Variants in MAP2K5 observed in about 807,000 individuals in gnomAD.
MAP2K5 encodes the protein dual specificity mitogen-activated protein kinase kinase 5.
MAP2K5 carries 49 observed loss-of-function variants against 83.1 expected under a neutral mutation model. That is an observed-to-expected ratio of 0.59 (90% CI 0.47 to 0.75). MAP2K5 has a LOEUF of 0.75. MAP2K5 is among the 30% of genes least tolerant of loss of function. The pLI, the probability that MAP2K5 is intolerant of heterozygous loss-of-function variation, is 0.00. For missense variants in MAP2K5, 457 were observed against 557.5 expected, an observed-to-expected ratio of 0.82 and a Z score of 1.82; for synonymous variants, 202 against 191.8, an observed-to-expected ratio of 1.05 and a Z score of -0.44.
chr15:67,612,018 TC>T (rs2085934288), intron 8 of MAP2K5, among the ~76,000 whole-genome samples: 1 of 151,996 alleles, frequency 6.6e-6, no homozygotes, highest in Non-Finnish European at 1.5e-5. Flanking sequence ...TGTGCTGATC[TC>T]TGAACCTCAG....
At position 67,736,585 on chromosome 15, in the gene MAP2K5, C is replaced by T. The variant is rs1472192152; in HGVS notation, c.1074+8640C>T. The stretch of plus-strand genomic sequence containing the variant: ...TTTTTCTGATCCCACAAGAGCCTTC[C>T]TTTACAGACTTTCTTTTTTGAGTTA... On this transcript the variant is annotated intron_variant, in intron 17 of 21. Transcript: ENST00000178640. The surrounding 1 kb of genome is among the most constrained non-coding windows in gnomAD (Gnocchi z 4.3). 6.6e-6 allele frequency among the ~76,000 whole-genome samples: 1 copy of T among 152,220 alleles called. No individual in the cohort carries two copies. The highest frequency in any genetic ancestry group is 2.4e-5 in the African/African-American group (1 of 41,446).
intron 20 of MAP2K5, among the ~76,000 whole-genome samples, chr15:67,771,401 G>T (rs28376010): frequency 0.27 from 41,376 of 152,054 alleles, 6,524 homozygotes; most frequent in East Asian, 0.6. Context: ...GGTCTGAGCA[G>T]CAGGGAGAAA....
intron 16 of MAP2K5, among the ~76,000 whole-genome samples, chr15:67,704,792 T>C (rs1267297935): frequency 1.3e-5 from 2 of 152,244 alleles, no homozygotes; most frequent in Admixed American, 1.3e-4. Context: ...GGACTCAGTA[T>C]TGCTGTTATA....
chr15:67,776,111 G>A (rs547823933), intron 21 of MAP2K5, among the ~76,000 whole-genome samples: 1 of 152,230 alleles, frequency 6.6e-6, no homozygotes, highest in African/African-American at 2.4e-5. Flanking sequence ...GCAGAAATCA[G>A]GAGTCAGCTT....
Position 67,748,561 on chromosome 15 carries a change from C to T in MAP2K5, c.1102-8C>T. ...TAATACTTTTTCCTCTCTTCTTTTC[C>T]ATTGCAGCCTCTCCAGCTTCTGCAG... On this transcript the variant is annotated splice_region_variant and splice_polypyrimidine_tract_variant and intron_variant, in intron 18 of 21. Coordinates refer to ENST00000178640, the MANE Select transcript of MAP2K5 (RefSeq NM_145160.3). This position sits in a 1 kb window ranked among gnomAD's most constrained non-coding sequence, Gnocchi z 4.0. 2 of 1,613,730 alleles carry T rather than the reference C, an allele frequency of 1.2e-6. No individual in the cohort carries two copies. The highest frequency in any genetic ancestry group is 1.7e-6 in the Non-Finnish European group (2 of 1,179,730).
Position 67,577,005 on chromosome 15 carries a change from G to T in MAP2K5, c.253-3749G>T, listed in dbSNP as rs952622267. Among the ~76,000 whole-genome samples, 2 of 141,654 alleles carry T rather than the reference G, an allele frequency of 1.4e-5. No individual in the cohort carries two copies. The highest frequency in any genetic ancestry group is 3.1e-5 in the Non-Finnish European group (2 of 64,622). The allele number at this position is 141,654 out of a possible 152,430, so 92.9% of individuals were successfully genotyped here. On this transcript the variant is annotated intron_variant, in intron 3 of 21. Transcript: ENST00000178640. This position sits in a 1 kb window ranked among gnomAD's most constrained non-coding sequence, Gnocchi z 4.1. ...CTGCGGACTGCAGTGGCGCAATCTCGGCTCACTGCAAGCTCCGCTTCCCGG... is the reference window on the plus strand; with the variant it reads ...CTGCGGACTGCAGTGGCGCAATCTCTGCTCACTGCAAGCTCCGCTTCCCGG...
At chr15:67,642,539 A>G in intron 9 of MAP2K5, 2 of 1,138,152 alleles carry the variant, frequency 1.8e-6, no homozygotes, top group South Asian at 1.2e-5. Context: ...AGCTGGGTCT[A>G]AAAGATAGAA....
chr15:67,609,479 CCTATT>C (rs2085861484), intron 8 of MAP2K5, among the ~76,000 whole-genome samples: 1 of 147,846 alleles, frequency 6.8e-6, no homozygotes, highest in African/African-American at 2.6e-5. Flanking sequence ...ATTCTGTAGA[CCTATT>C]CTATAGGTCT....
At chr15:67,579,953 T>G (rs1033470107) in intron 3 of MAP2K5, among the ~76,000 whole-genome samples, 6 of 152,188 alleles carry the variant, frequency 3.9e-5, no homozygotes, top group Non-Finnish European at 7.3e-5. Context: ...GTGGATATTT[T>G]TCCACTAGGA....
intron 21 of MAP2K5, among the ~76,000 whole-genome samples, chr15:67,804,157 C>T (rs1313340358): frequency 1.3e-5 from 2 of 152,166 alleles, no homozygotes; most frequent in Non-Finnish European, 2.9e-5. Flanking sequence ...CGCCTGCCTG[C>T]CTCTGGACAG....
At position 67,652,944 on chromosome 15, in the gene MAP2K5, G is replaced by A. The variant is rs998701878; in HGVS notation, c.737-5609G>A. Among the ~76,000 whole-genome samples the A allele has an allele frequency of 6.6e-6, 1 of 152,140 alleles. No homozygotes were observed. Among genetic ancestry groups the A allele is most frequent in the Admixed American group, 6.6e-5 (1 of 15,266 alleles). ...CATTATGTCCTTAAGAGTCATCCAT[G>A]TTGTAGCATGTGTCAGAATTTTCTT... On this transcript the variant is annotated intron_variant, in intron 11 of 21. Transcript: ENST00000178640. This position sits in a 1 kb window ranked among gnomAD's most constrained non-coding sequence, Gnocchi z 4.2.
In MAP2K5 at chr15:67,609,517, ATAGGTCTG is replaced by A. The variant is rs1408460168; in HGVS notation, c.545+8772_545+8779del. The stretch of plus-strand genomic sequence containing the variant: ...TCTATAGATTCTGTAGACCTATTCT[ATAGGTCTG>A]TAGATTCTGTAGACCTATTCTATAG... On this transcript the variant is annotated intron_variant, in intron 8 of 21. Coordinates refer to ENST00000178640, the MANE Select transcript of MAP2K5 (RefSeq NM_145160.3). Among the ~76,000 whole-genome samples, 3 of 117,906 alleles carry A rather than the reference ATAGGTCTG, an allele frequency of 2.5e-5. 1 individual carries two copies. Among genetic ancestry groups the A allele is most frequent in the East Asian group, 4.9e-4 (2 of 4,058 alleles). 77.4% of individuals were successfully genotyped at this position (117,906 alleles called of 152,430 possible).
At chr15:67,589,836 C>T (rs1027062971) in intron 6 of MAP2K5, among the ~76,000 whole-genome samples, 1 of 150,926 alleles carries the variant, frequency 6.6e-6, no homozygotes, top group East Asian at 1.9e-4. Context: ...AGATGGACTT[C>T]GAGCAAGATC....
Position 67,661,036 on chromosome 15 carries a change from T to C in MAP2K5, c.798+2422T>C, listed in dbSNP as rs996594277. On this transcript the variant is annotated intron_variant, in intron 12 of 21. Transcript: ENST00000178640. ...ATTAACTTTATTTTCCAGGGTCTAA[T>C]AATCTGGCCATGCAAGGCAGGTTCA... is the stretch of plus-strand genomic sequence containing the variant. 3.3e-3 allele frequency among the ~76,000 whole-genome samples: 17 copies of C among 5,154 alleles called. No individual in the cohort carries two copies. In the Non-Finnish European group the frequency reaches 0.17, roughly 51 times the overall value. 3.4% of individuals were successfully genotyped at this position (5,154 alleles called of 152,430 possible). A position where few individuals can be genotyped will look rare whatever the true frequency, so the allele number is the denominator to read the frequency against.
At chr15:67,623,439 T>C (rs2086232361) in intron 8 of MAP2K5, among the ~76,000 whole-genome samples, 1 of 152,134 alleles carries the variant, frequency 6.6e-6, no homozygotes, top group South Asian at 2.1e-4. Flanking sequence ...AATGATATAT[T>C]GCAAACTTTT....
At chr15:67,593,483 C>T (rs903383586) in intron 7 of MAP2K5, among the ~76,000 whole-genome samples, 2 of 152,114 alleles carry the variant, frequency 1.3e-5, no homozygotes, top group African/African-American at 2.4e-5. Context: ...CCTAACCCAG[C>T]CAGTGAGGGA....
At position 67,750,417 on chromosome 15, in the gene MAP2K5, A is replaced by G. The variant is rs2089692369; in HGVS notation, c.1134+1816A>G. On this transcript the variant is annotated intron_variant, in intron 19 of 21. Coordinates refer to ENST00000178640, the MANE Select transcript of MAP2K5 (RefSeq NM_145160.3). This position sits in a 1 kb window ranked among gnomAD's most constrained non-coding sequence, Gnocchi z 4.2. ...AGATGACCTGCCTTAGACAAGATGA[A>G]TCATAGCATCTCGGAAAGGAAGGAT... is the stretch of plus-strand genomic sequence containing the variant. Among the ~76,000 whole-genome samples the G allele has an allele frequency of 6.6e-6, 1 of 152,342 alleles. No homozygotes were observed. Among genetic ancestry groups the G allele is most frequent in the Non-Finnish European group, 1.5e-5 (1 of 68,032 alleles).
intron 21 of MAP2K5, among the ~76,000 whole-genome samples, chr15:67,804,750 A>T (rs2090769110): frequency 6.6e-6 from 1 of 152,210 alleles, no homozygotes; most frequent in African/African-American, 2.4e-5. Context: ...TCGTGAGCAC[A>T]GCTTCTCCCT....
At chr15:67,579,561 G>T (rs1004281606) in intron 3 of MAP2K5, among the ~76,000 whole-genome samples, 1 of 152,056 alleles carries the variant, frequency 6.6e-6, no homozygotes, top group South Asian at 2.1e-4. Context: ...TGGAGAGCTG[G>T]GTACACTTTT....
Sources: allele counts gnomAD v4.1 joint callset (sites outside exome capture counted in the v4.1 genomes callset), GRCh38; gene constraint gnomAD v4.1.1; non-coding constraint Gnocchi (gnomAD v3.1); transcripts MANE v1.5; gene names NCBI Gene and HGNC (gene_info 2026-07-23, HGNC 2026-07-21).